BANF2: variants seen among roughly 807,000 people sequenced by gnomAD.
The protein encoded by BANF2 is barrier-to-autointegration factor-like protein.
Under a neutral mutation model 8.0 loss-of-function variants are expected in BANF2, and 4 were observed. That is an observed-to-expected ratio of 0.50 (90% CI 0.25 to 1.14). The LOEUF is 1.14. Among genes scored for constraint, BANF2 ranks in the 50% most tolerant of loss-of-function variants. BANF2 has a pLI of 0.16. For synonymous variants in BANF2, 50 were observed against 40.6 expected, an observed-to-expected ratio of 1.23 and a Z score of -0.88; for missense variants, 96 against 107.5, an observed-to-expected ratio of 0.89 and a Z score of 0.47.
Position 17,694,599 on chromosome 20 carries a change from CTCTTTTTTTT to C in BANF2, c.18+895_18+904del, listed in dbSNP as rs1456763986. Among the ~76,000 whole-genome samples, 27 of 82,780 alleles carry C rather than the reference CTCTTTTTTTT, an allele frequency of 3.3e-4. 1 individual carries two copies. The East Asian group carries it at 6.6e-3, about 20-fold the overall frequency. The allele number at this position is 82,780 out of a possible 152,430, so 54.3% of individuals were successfully genotyped here. ...AGGGGGCTATTTTTGTTTTTTCTCT[CTCTTTTTTTT>C]TTTTTTTTTTTTTTTTTTTTTTTTA... is the stretch of plus-strand genomic sequence containing the variant. On this transcript the variant is annotated intron_variant, in intron 1 of 2. Coordinates refer to the BANF2 transcript ENST00000545418.
Position 17,735,696 on chromosome 20 carries a change from T to A in BANF2, c.158T>A (p.Met53Lys), listed in dbSNP as rs764955651. The A allele has an allele frequency of 1.9e-6, 3 of 1,613,992 alleles. No individual in the cohort carries two copies. The East Asian group carries it at 6.7e-5, about 36-fold the overall frequency. The change falls in exon 4 of 4, where the codon ATG becomes AAG. Residue 53 changes from methionine to lysine, a missense_variant. Coordinates refer to ENST00000246090, the MANE Select transcript of BANF2 (RefSeq NM_178477.5). Reference sequence around the variant, plus strand: ...ATCCTGCTGGGACAATTCCTTCTGATGCACAAGAATGAAGCCGAGTTTCAG... The same window carrying A: ...ATCCTGCTGGGACAATTCCTTCTGAAGCACAAGAATGAAGCCGAGTTTCAG... ...AYILLGQFLL[M>K]HKNEAEFQRW...
intron 3 of BANF2, among the ~76,000 whole-genome samples, chr20:17,730,359 T>C (rs1418036833): frequency 6.6e-6 from 1 of 152,168 alleles, no homozygotes; most frequent in Non-Finnish European, 1.5e-5. Context: ...CATTGTGCCG[T>C]CTGCCCCTAA....
chr20:17,715,273 TGTGTG>T (rs745797264), intron 1 of BANF2, among the ~76,000 whole-genome samples: 8 of 152,124 alleles, frequency 5.3e-5, no homozygotes, highest in Non-Finnish European at 7.4e-5. Context: ...TAGTACACCG[TGTGTG>T]GTGTGCCCTG....
intron 1 of BANF2, among the ~76,000 whole-genome samples, chr20:17,715,963 T>G (rs1212688307): frequency 6.6e-6 from 1 of 152,212 alleles, no homozygotes; most frequent in Admixed American, 6.5e-5. Flanking sequence ...TCCTCCACCC[T>G]GGCTTCTTTC....
At chr20:17,705,623 A>G (rs1020365439) in intron 1 of BANF2, among the ~76,000 whole-genome samples, 1 of 152,234 alleles carries the variant, frequency 6.6e-6, no homozygotes, top group African/African-American at 2.4e-5. Context: ...AGGCTGGTGT[A>G]CATTGTGAAT....
At chr20:17,729,687 G>T (rs1363985191) in intron 3 of BANF2, among the ~76,000 whole-genome samples, 1 of 152,218 alleles carries the variant, frequency 6.6e-6, no homozygotes, top group Non-Finnish European at 1.5e-5. Flanking sequence ...AGTGACCTGA[G>T]ATTGCACCAC....
At chr20:17,721,143 A>G (rs1439096760) in intron 1 of BANF2, among the ~76,000 whole-genome samples, 1 of 152,156 alleles carries the variant, frequency 6.6e-6, no homozygotes, top group African/African-American at 2.4e-5. Context: ...TCTTACAGAA[A>G]CTGACGTTCT....
chr20:17,729,413 G>A lies in BANF2; in HGVS notation c.126+4262G>A, dbSNP rs935896312. On this transcript the variant is annotated intron_variant, in intron 3 of 3. Coordinates refer to ENST00000246090, the MANE Select transcript of BANF2 (RefSeq NM_178477.5). ...TTTTTCTGAGCAGTTTGGGTTTTTG[G>A]TGGGTGCCCCATGTTGCGACATCTG... 4.6e-5 allele frequency among the ~76,000 whole-genome samples: 7 copies of A among 152,130 alleles called. No individual in the cohort carries two copies. In the East Asian group the frequency reaches 5.8e-4, roughly 13 times the overall value.
chr20:17,707,576 A>C (rs1206673387), intron 1 of BANF2, among the ~76,000 whole-genome samples: 1 of 151,908 alleles, frequency 6.6e-6, no homozygotes, highest in Non-Finnish European at 1.5e-5. Flanking sequence ...CTGATCCTAT[A>C]TATATATATA....
chr20:17,693,721 T>C lies in BANF2; in HGVS notation c.18+15T>C, dbSNP rs761245129. The C allele has an allele frequency of 5.2e-6, 8 of 1,551,444 alleles. No individual in the cohort carries two copies. The East Asian group carries it at 2.0e-4, about 38-fold the overall frequency. On this transcript the variant is annotated intron_variant, in intron 1 of 2. Coordinates refer to the BANF2 transcript ENST00000545418. The stretch of plus-strand genomic sequence containing the variant: ...GAGGAACAAAGGTAAGGCAGATTGG[T>C]CTGACTTCCTTGCTCACGGTGGGGA...
chr20:17,693,678 C>T, exon 1 of BANF2: 1 of 1,551,622 alleles, frequency 6.4e-7, no homozygotes, highest in Non-Finnish European at 8.7e-7. Context: ...TTTAAAGCAA[C>T]CCTGCGCTGA....
chr20:17,700,940 C>T (rs2037399547), intron 1 of BANF2, among the ~76,000 whole-genome samples: 1 of 152,224 alleles, frequency 6.6e-6, no homozygotes, highest in Admixed American at 6.5e-5. Flanking sequence ...AGCTGCGTCC[C>T]TTCTCCCACA....
chr20:17,698,140 G>A (rs548498483), upstream of BANF2, among the ~76,000 whole-genome samples: 19 of 151,916 alleles, frequency 1.3e-4, no homozygotes, highest in East Asian at 3.9e-4. Context: ...CCCGGGAGGC[G>A]GAGGTTGCAG....
intron 1 of BANF2, among the ~76,000 whole-genome samples, chr20:17,719,681 T>A (rs904522031): frequency 1.7e-4 from 23 of 133,254 alleles, no homozygotes; most frequent in Admixed American, 3.5e-4. Flanking sequence ...GATCCCTTTT[T>A]TTAATTAAAA....
chr20:17,706,167 G>T (rs1265718004), intron 1 of BANF2, among the ~76,000 whole-genome samples: 3 of 152,212 alleles, frequency 2.0e-5, no homozygotes, highest in Non-Finnish European at 4.4e-5. Context: ...CACCAAGTGT[G>T]CCAGGCTGAA....
chr20:17,720,250 T>C (rs753117241), intron 1 of BANF2, among the ~76,000 whole-genome samples: 1 of 152,244 alleles, frequency 6.6e-6, no homozygotes, highest in African/African-American at 2.4e-5. Context: ...CCCAAAAGAA[T>C]TGAATGCACG....
intron 2 of BANF2, among the ~76,000 whole-genome samples, chr20:17,723,522 A>G (rs1176815461): frequency 6.6e-6 from 1 of 152,210 alleles, no homozygotes; most frequent in African/African-American, 2.4e-5. Flanking sequence ...TGTGCTAATA[A>G]CACCTCCCTA....
At chr20:17,717,224 G>C (rs2037667879) in intron 1 of BANF2, among the ~76,000 whole-genome samples, 1 of 152,054 alleles carries the variant, frequency 6.6e-6, no homozygotes, top group African/African-American at 2.4e-5. Flanking sequence ...GTAGACCGAA[G>C]GCACAGCAGG....
chr20:17,695,753 A>G (rs925882905), upstream of BANF2, among the ~76,000 whole-genome samples: 16 of 152,238 alleles, frequency 1.1e-4, no homozygotes, highest in East Asian at 2.5e-3. Context: ...AAATGTATAC[A>G]CCCGAGTAAT....
Sources: gnomAD v4.1 joint callset for allele counts (sites outside exome capture counted in the v4.1 genomes callset) on GRCh38, gnomAD v4.1.1 for gene constraint, MANE v1.5 for transcripts, NCBI Gene and HGNC (gene_info 2026-07-23, HGNC 2026-07-21) for gene names.